The following ELMOD3 variants were observed in gnomAD, a reference collection of about 807,000 sequenced individuals.
ELMOD3 encodes ELMO domain containing 3.
A neutral mutation model predicts 47.4 loss-of-function variants in ELMOD3; 36 were observed. The observed-to-expected ratio is 0.76, with a 90% CI of 0.58 to 1.00. ELMOD3 has a LOEUF of 1.00. Ranked by LOEUF, ELMOD3 falls within the 50% of genes least tolerant of loss-of-function variation. The pLI is 0.00. For synonymous variants in ELMOD3, 149 were observed against 183.5 expected (o/e 0.81, Z 1.52); for missense variants, 404 against 463.8 (o/e 0.87, Z 1.18).
rs1365808039 is a variant in ELMOD3, at chr2:85,368,746, C to T, written c.260C>T (p.Pro87Leu). ...EEWEAVDTIQ[P>L]ETGSQASSEQ... ...TGGGAAGCTGTGGACACCATCCAGC[C>T]AGAGACAGGTAACTGTACGAATGCT... Residue 87 changes from proline (P) to leucine (L), a missense_variant, in exon 7 of 14, where the codon CCA becomes CTA. Pro to Leu is a moderately conservative substitution (Grantham distance 98). Transcript: ENST00000409013. 3 of 1,614,158 alleles carry T rather than the reference C, an allele frequency of 1.9e-6. No homozygotes were observed. Among genetic ancestry groups the T allele is most frequent in the Non-Finnish European group, 2.5e-6 (3 of 1,180,014 alleles).
chr2:85,379,820 CT>C (rs1165419626), intron 11 of ELMOD3, among the ~76,000 whole-genome samples: 1 of 151,950 alleles, frequency 6.6e-6, no homozygotes. Flanking sequence ...TCAGGCAAGA[CT>C]TTTTTTTAAA....
At chr2:85,360,059 A>G (rs1270050752) in intron 4 of ELMOD3, among the ~76,000 whole-genome samples, 9 of 152,038 alleles carry the variant, frequency 5.9e-5, no homozygotes. Flanking sequence ...GCGAGACTCT[A>G]TCTCAAAAAA....
intron 6 of ELMOD3, among the ~76,000 whole-genome samples, chr2:85,365,122 T>TA (rs551064198): frequency 4.6e-4 from 64 of 139,502 alleles, no homozygotes; most frequent in East Asian, 1.0e-3. Flanking sequence ...TGGCTAACTT[T>TA]AAAAAAAAAA....
intron 6 of ELMOD3, among the ~76,000 whole-genome samples, chr2:85,366,610 A>C (rs1426799606): frequency 6.6e-6 from 1 of 152,254 alleles, no homozygotes; most frequent in East Asian, 1.9e-4. Context: ...ATGAGGGGTT[A>C]CAGATGATAA....
At chr2:85,360,970 T>C (rs531997935) in intron 4 of ELMOD3, 1 of 154,970 alleles carries the variant, frequency 6.5e-6, no homozygotes, top group East Asian at 1.9e-4. Flanking sequence ...TAACAAACTA[T>C]AGAAATGATG....
chr2:85,369,601 T>G, intron 7 of ELMOD3, 138 bp from the exon 8 acceptor site: 10 of 835,710 alleles, frequency 1.2e-5, no homozygotes, highest in East Asian at 2.5e-5. Flanking sequence ...TGAAAGAAGA[T>G]TGGTTGTAGC....
chr2:85,384,031 G>A (rs191370249), intron 11 of ELMOD3, among the ~76,000 whole-genome samples: 28 of 152,344 alleles, frequency 1.8e-4, no homozygotes, highest in African/African-American at 6.7e-4. Flanking sequence ...GGAAGCAAAA[G>A]CGGGATGACT....
intron 10 of ELMOD3, among the ~76,000 whole-genome samples, chr2:85,375,249 T>C (rs1383471293): frequency 6.6e-6 from 1 of 152,204 alleles, no homozygotes; most frequent in South Asian, 2.1e-4. Flanking sequence ...TGTGATTCCT[T>C]TGAATACTTT....
At chr2:85,383,431 A>G (rs1010429009) in intron 11 of ELMOD3, among the ~76,000 whole-genome samples, 1 of 152,038 alleles carries the variant, frequency 6.6e-6, no homozygotes, top group Non-Finnish European at 1.5e-5. Context: ...TTCAAAAAAT[A>G]AAAATAAAAT....
Position 85,373,584 on chromosome 2 carries a change from T to TAATC in ELMOD3, c.607+2023_607+2026dup, listed in dbSNP as rs542932064. On this transcript the variant is annotated intron_variant, in intron 10 of 13. Coordinates refer to ENST00000409013, the MANE Select transcript of ELMOD3 (RefSeq NM_001135022.2). ...GGCCAGGCACGGTGGCTCACACCTG[T>TAATC]AATCCCAGCACCTTGGGAGGCCACG... Among the ~76,000 whole-genome samples, 325 of 152,294 alleles carry TAATC rather than the reference T, an allele frequency of 2.1e-3. 4 individuals carry two copies. Among genetic ancestry groups the TAATC allele is most frequent in the African/African-American group, 7.5e-3 (311 of 41,572 alleles).
intron 11 of ELMOD3, among the ~76,000 whole-genome samples, chr2:85,377,879 ACTG>A (rs1685279492): frequency 6.6e-6 from 1 of 152,130 alleles, no homozygotes. Context: ...CATATACTTT[ACTG>A]CTGTGTCCGG....
chr2:85,358,876 G>C (rs1171665672), intron 4 of ELMOD3, among the ~76,000 whole-genome samples: 1 of 152,104 alleles, frequency 6.6e-6, no homozygotes, highest in Non-Finnish European at 1.5e-5. Flanking sequence ...CTGCTTCCTT[G>C]GGTATAACTG....
intron 9 of ELMOD3, 41 bp downstream of exon 9, chr2:85,371,250 T>G: frequency 1.2e-6 from 2 of 1,614,126 alleles, no homozygotes; most frequent in Non-Finnish European, 1.7e-6. Flanking sequence ...GCTGCATCTG[T>G]GGTTGGGCAA....
chr2:85,364,488 G>T (rs1684209455), intron 6 of ELMOD3, among the ~76,000 whole-genome samples: 1 of 151,678 alleles, frequency 6.6e-6, no homozygotes, highest in Non-Finnish European at 1.5e-5. Context: ...GCAGGCTGAG[G>T]CAGGTGAATC....
rs371242294 is a variant in ELMOD3, at chr2:85,377,330, G to C, written c.608-14G>C. The stretch of plus-strand genomic sequence containing the variant: ...TCGCTGCCACACCCTGTTTCCTCAC[G>C]GTCTCTGTTACAGGAGCGAATCCAG... On this transcript the variant is annotated splice_polypyrimidine_tract_variant and intron_variant, in intron 10 of 13. Transcript: ENST00000409013. The C allele has an allele frequency of 2.5e-6, 4 of 1,576,084 alleles. No individual in the cohort carries two copies. Among genetic ancestry groups the C allele is most frequent in the Non-Finnish European group, 2.6e-6 (3 of 1,162,646 alleles).
intron 12 of ELMOD3, 58 bp downstream of exon 12, chr2:85,389,885 C>T: frequency 6.6e-7 from 1 of 1,515,088 alleles, no homozygotes; most frequent in East Asian, 2.3e-5. Flanking sequence ...TTCGTCCCCA[C>T]TCTGGCTTAA....
At chr2:85,390,580 T>G in intron 13 of ELMOD3, 180 bp from the exon 14 acceptor site, 1 of 1,540,022 alleles carries the variant, frequency 6.5e-7, no homozygotes, top group South Asian at 1.3e-5. Flanking sequence ...GTGGTCCCTG[T>G]GGCTGTAGCT....
Position 85,390,875 on chromosome 2 carries a change from G to A in ELMOD3, c.1059G>A (p.Gly353=). The A allele has an allele frequency of 6.4e-7, 1 of 1,551,676 alleles. No individual in the cohort carries two copies. The highest frequency in any genetic ancestry group is 1.4e-5 in the African/African-American group (1 of 73,166). Reference sequence around the variant, plus strand: ...TGTTGGGAGCACAGAAGTGCTATGGGCCAGAAGCCCCTCCCTTCAAGGATC... The same window carrying A: ...TGTTGGGAGCACAGAAGTGCTATGGACCAGAAGCCCCTCCCTTCAAGGATC... ...ASLLGAQKCY[G]PEAPPFKDLT... is the part of the protein sequence containing the mutation. Residue 353 remains glycine (G), a synonymous_variant, in exon 14 of 14, where the codon GGG becomes GGA. Transcript: ENST00000409013.
Position 85,363,028 on chromosome 2 carries a change from T to TG in ELMOD3, c.130-66dup, listed in dbSNP as rs1300618214. On this transcript the variant is annotated intron_variant, in intron 5 of 13. Transcript: ENST00000409013. ...TGTCAAGGACATTCAGTACAGTGGG[T>TG]GGGAAGCGTTTGTGTATATGGGGGT... The TG allele has an allele frequency of 1.1e-4, 100 of 938,626 alleles. No homozygotes were observed. In the East Asian group the frequency reaches 2.3e-3, roughly 22 times the overall value. 58.1% of individuals were successfully genotyped at this position (938,626 alleles called of 1,614,324 possible). A position where few individuals can be genotyped will look rare whatever the true frequency, so the allele number is the denominator to read the frequency against.
Sources: gnomAD v4.1 joint callset for allele counts (sites outside exome capture counted in the v4.1 genomes callset) on GRCh38, gnomAD v4.1.1 for gene constraint, MANE v1.5 for transcripts, NCBI Gene and HGNC (gene_info 2026-07-23, HGNC 2026-07-21) for gene names.